GOLGA6L2: variants seen among roughly 807,000 people sequenced by gnomAD.
The protein encoded by GOLGA6L2 is golgin A6 family like 2.
In GOLGA6L2, 30 loss-of-function variants were observed where a neutral mutation model predicts 35.9. The ratio of observed to expected loss-of-function variants is 0.83; its 90% CI spans 0.62 to 1.13. The LOEUF (loss-of-function observed/expected upper bound fraction) is 1.13. Among genes scored for constraint, GOLGA6L2 ranks in the 50% most tolerant of loss-of-function variants. The probability of loss-of-function intolerance (pLI) is 0.00; values close to 1 mark genes in which losing one functional copy is unlikely to be tolerated. For missense variants in GOLGA6L2, 821 were observed against 973.4 expected (o/e 0.84, Z 2.08); for synonymous variants, 297 against 344.0 (o/e 0.86, Z 1.51).
chr15:23,446,465 G>A (rs949438332), intron 1 of GOLGA6L2, among the ~76,000 whole-genome samples: 8 of 152,172 alleles, frequency 5.3e-5, no homozygotes, highest in South Asian at 2.1e-4. Flanking sequence ...CTTAGGGGAC[G>A]GGTCCTAAGA....
chr15:23,444,499 G>A lies in GOLGA6L2; in HGVS notation c.215C>T (p.Thr72Ile). ...TTTCAGCTGCGCTCGGTTCTGTTGT[G>A]TCTGTGGGGAGAGTCAAAGGAAGGT... Reference protein sequence around the residue: ...TSEGCHSPEDTQQNRAQLKEE... With the variant: ...TSEGCHSPEDIQQNRAQLKEE... The change falls in exon 3 of 8, where the codon ACA (threonine) becomes ATA (isoleucine). Residue 72 changes from threonine to isoleucine, a missense_variant and splice_region_variant. Coordinates refer to ENST00000567107, the MANE Select transcript of GOLGA6L2 (RefSeq NM_001304388.2). The A allele has an allele frequency of 1.3e-6, 2 of 1,599,696 alleles. No individual in the cohort carries two copies. The highest frequency in any genetic ancestry group is 2.2e-5 in the South Asian group (2 of 91,008).
intron 4 of GOLGA6L2, 26 bp downstream of exon 4, chr15:23,444,136 G>A: frequency 3.1e-6 from 5 of 1,602,200 alleles, no homozygotes; most frequent in East Asian, 4.5e-5. Flanking sequence ...CAGAGGACAG[G>A]AGGGAACTTC....
intron 2 of GOLGA6L2, 116 bp from the exon 3 acceptor site, chr15:23,444,616 C>A: frequency 1.2e-6 from 1 of 845,454 alleles, no homozygotes; most frequent in Non-Finnish European, 1.9e-6. Flanking sequence ...GTTCTCAGAC[C>A]CAATGGGAAC....
At chr15:23,446,954 T>G in intron 1 of GOLGA6L2, 144 bp downstream of exon 1, 17 of 556,958 alleles carry the variant, frequency 3.1e-5, no homozygotes, top group Middle Eastern at 4.2e-4. Flanking sequence ...GCTGAGAAGA[T>G]TTTGATTGGG....
chr15:23,446,713 G>A (rs138585265), intron 1 of GOLGA6L2, among the ~76,000 whole-genome samples: 124 of 152,200 alleles, frequency 8.1e-4, no homozygotes, highest in Middle Eastern at 3.4e-3. Context: ...AGTATGGAGC[G>A]GGGAGCCCCA....
Position 23,441,071 on chromosome 15 carries a change from C to T in GOLGA6L2, c.1404G>A (p.Glu468=), listed in dbSNP as rs796249885. ...CCTGCTTCTGCATCTTCTCCTCCTG[C>T]TCCCGCATCGTCTCCTCCTCTTCCC... ...KMREEEETMR[E]QEEKMQKQEE... The change falls in exon 8 of 8, where the codon GAG becomes GAA. Residue 468 remains glutamate, a synonymous_variant. Transcript: ENST00000567107. 9.7e-6 allele frequency: 13 copies of T among 1,344,738 alleles called. No homozygotes were observed. The highest frequency in any genetic ancestry group is 1.3e-5 in the South Asian group (1 of 75,274). 83.3% of individuals were successfully genotyped at this position (1,344,738 alleles called of 1,614,324 possible). A position where few individuals can be genotyped will look rare whatever the true frequency, so the allele number is the denominator to read the frequency against.
chr15:23,439,183 C>T lies in GOLGA6L2; in HGVS notation c.*562G>A, dbSNP rs375633527. On this transcript the variant is annotated 3_prime_UTR_variant, in exon 8 of 8. Coordinates refer to ENST00000567107, the MANE Select transcript of GOLGA6L2 (RefSeq NM_001304388.2). Reference sequence around the variant, plus strand: ...TTTTTTTTTTTGAGATGGAATCTCGCTCTGTCATCCAGGCTGGAATGCGGT... The same window carrying T: ...TTTTTTTTTTTGAGATGGAATCTCGTTCTGTCATCCAGGCTGGAATGCGGT... 1.1e-4 allele frequency among the ~76,000 whole-genome samples: 6 copies of T among 56,664 alleles called. No homozygotes were observed. The highest frequency in any genetic ancestry group is 1.7e-4 in the African/African-American group (5 of 29,452). The allele number at this position is 56,664 out of a possible 152,430, so 37.2% of individuals were successfully genotyped here.
chr15:23,442,167 G>A, intron 6 of GOLGA6L2, 47 bp from the exon 7 acceptor site: 2 of 1,555,862 alleles, frequency 1.3e-6, no homozygotes, highest in Non-Finnish European at 1.7e-6. Context: ...GAACAGAAAG[G>A]ACTGCTTTGG....
At position 23,444,009 on chromosome 15, in the gene GOLGA6L2, T is replaced by A; in HGVS notation, c.359A>T (p.Tyr120Phe). 1 of 1,552,660 alleles carries A rather than the reference T, an allele frequency of 6.4e-7. No homozygotes were observed. Among genetic ancestry groups the A allele is most frequent in the Non-Finnish European group, 8.7e-7 (1 of 1,155,418 alleles). The change falls in exon 5 of 8, where the codon TAC becomes TTC. Residue 120 changes from tyrosine to phenylalanine, a missense_variant. By Grantham distance (22) the Tyr-to-Phe change is conservative. Coordinates refer to ENST00000567107, the MANE Select transcript of GOLGA6L2 (RefSeq NM_001304388.2). ...AAATTTCCTGGCAGCATCCTGGCTG[T>A]AATAGAGCGCTGTCTCCAGTTCAGT... The part of the protein sequence containing the change: ...QKTELETALY[Y>F]SQDAARKFED...
intron 7 of GOLGA6L2, 22 bp from the exon 8 acceptor site, chr15:23,441,704 GAACTAGCTATATA>G: frequency 6.8e-7 from 1 of 1,464,254 alleles, no homozygotes; most frequent in Non-Finnish European, 9.0e-7. Context: ...ATAGACTTAT[GAACTAGCTATATA>G]AATGTAATCT....
intron 7 of GOLGA6L2, 75 bp from the exon 8 acceptor site, chr15:23,441,757 T>G: frequency 7.0e-7 from 1 of 1,421,890 alleles, no homozygotes; most frequent in Non-Finnish European, 9.2e-7. Context: ...CTATGATTCT[T>G]TAAAAAAAAT....
At chr15:23,446,749 G>T (rs1054195900) in intron 1 of GOLGA6L2, among the ~76,000 whole-genome samples, 3 of 151,940 alleles carry the variant, frequency 2.0e-5, no homozygotes, top group African/African-American at 4.8e-5. Context: ...AAGTCACCCT[G>T]GGGCGACTGG....
intron 6 of GOLGA6L2, 35 bp downstream of exon 6, chr15:23,442,415 C>A (rs1394927001): frequency 1.9e-6 from 3 of 1,580,446 alleles, no homozygotes; most frequent in Non-Finnish European, 2.6e-6. Flanking sequence ...CGCTAAGGGC[C>A]CCCAGACCTC....
rs1414347922 is a variant in GOLGA6L2, at chr15:23,440,214, C to A, written c.2261G>T (p.Gly754Val). The change falls in exon 8 of 8, where the codon GGT becomes GTT. Residue 754 changes from glycine (G) to valine (V), a missense_variant. Gly to Val is a moderately radical substitution (Grantham distance 109). Transcript: ENST00000567107. ...TTCTTCTTCTCCCGCATCTTCTCCA[C>A]CTGCTGCCACATCTTCTGCTCCCGC... ...ENAGAEDVAAGGEDAGEEEDA... is the reference protein window; with the variant it reads ...ENAGAEDVAAVGEDAGEEEDA... 6 of 563,816 alleles carry A rather than the reference C, an allele frequency of 1.1e-5. No homozygotes were observed. The highest frequency in any genetic ancestry group is 3.0e-5 in the African/African-American group (1 of 33,854). 34.9% of individuals were successfully genotyped at this position (563,816 alleles called of 1,614,324 possible).
At position 23,439,687 on chromosome 15, in the gene GOLGA6L2, C is replaced by G; in HGVS notation, c.*58G>C. Reference sequence around the variant, plus strand: ...TCTCCTGTGCAGTGGGGTTGTCCTGCGGAGAACCCTCCCCAGCCTCTCCTC... The same window carrying G: ...TCTCCTGTGCAGTGGGGTTGTCCTGGGGAGAACCCTCCCCAGCCTCTCCTC... On this transcript the variant is annotated 3_prime_UTR_variant, in exon 8 of 8. Coordinates refer to ENST00000567107, the MANE Select transcript of GOLGA6L2 (RefSeq NM_001304388.2). 1 of 1,537,316 alleles carries G rather than the reference C, an allele frequency of 6.5e-7. No individual in the cohort carries two copies. The highest frequency in any genetic ancestry group is 2.4e-5 in the East Asian group (1 of 40,920).
chr15:23,445,749 T>G (rs1886771378), intron 1 of GOLGA6L2, among the ~76,000 whole-genome samples: 1 of 152,192 alleles, frequency 6.6e-6, no homozygotes, highest in Non-Finnish European at 1.5e-5. Flanking sequence ...CTGTTTGGTT[T>G]AGAGTCGTAC....
At position 23,441,566 on chromosome 15, in the gene GOLGA6L2, C is replaced by T. The variant is rs765482855; in HGVS notation, c.909G>A (p.Arg303=). ...GCTCCCGCATCTTCCCCTCCTGCTC[C>T]CGCAGTCTCTCCTCCTGTCTCCACA... ...EKMWRQEERL[R]EQEGKMREQE... is the part of the protein sequence containing the mutation. The change falls in exon 8 of 8, where the codon CGG becomes CGA. Residue 303 remains arginine (R), a synonymous_variant. Transcript: ENST00000567107. 6.6e-7 allele frequency: 1 copy of T among 1,511,662 alleles called. No individual in the cohort carries two copies. Among genetic ancestry groups the T allele is most frequent in the Non-Finnish European group, 8.9e-7 (1 of 1,122,682 alleles). 93.6% of individuals were successfully genotyped at this position (1,511,662 alleles called of 1,614,324 possible).
In GOLGA6L2 at chr15:23,445,439, CTG is replaced by C; in HGVS notation, c.85-3_85-2del. 1 of 1,181,750 alleles carries C rather than the reference CTG, an allele frequency of 8.5e-7. No individual in the cohort carries two copies. Among genetic ancestry groups the C allele is most frequent in the Non-Finnish European group, 1.1e-6 (1 of 896,132 alleles). 73.2% of individuals were successfully genotyped at this position (1,181,750 alleles called of 1,614,324 possible). ...TGTTCCACTGACGATAGTCTGTAAACTGTGGAAAAGAGGAGCAGTGATACTCA... is the reference window on the plus strand; with the variant it reads ...TGTTCCACTGACGATAGTCTGTAAACTGGAAAAGAGGAGCAGTGATACTCA... On this transcript the variant is annotated splice_acceptor_variant and splice_polypyrimidine_tract_variant and intron_variant, in intron 1 of 7. Transcript: ENST00000567107. LOFTEE classifies it high-confidence loss of function.
rs1295154120 is a variant in GOLGA6L2 at position 23,441,337 on chromosome 15, C to T, written c.1138G>A (p.Glu380Lys). 6.5e-7 allele frequency: 1 copy of T among 1,538,944 alleles called. No homozygotes were observed. Among genetic ancestry groups the T allele is most frequent in the East Asian group, 2.5e-5 (1 of 40,662 alleles). The change falls in exon 8 of 8, where the codon GAG (glutamate) becomes AAG (lysine). Residue 380 changes from glutamate to lysine, a missense_variant. Physicochemically the swap from Glu to Lys is moderately conservative, Grantham distance 56. Around this residue, in one of 7 missense-constraint regions of GOLGA6L2, gnomAD observed 614 missense variants for 632.3 expected, o/e 0.97. Coordinates refer to ENST00000567107, the MANE Select transcript of GOLGA6L2 (RefSeq NM_001304388.2). ...KMWRQEERLW[E>K]QEKQMREQEQ... ...TGCTCCCGCATCTGCTTCTCCTGCT[C>T]CCACAGCCTCTCCTCCTGTCTCCAC...
Sources: allele counts gnomAD v4.1 joint callset (sites outside exome capture counted in the v4.1 genomes callset), GRCh38; gene constraint gnomAD v4.1.1; regional missense constraint gnomAD v4.1.1; transcripts MANE v1.5; gene names NCBI Gene and HGNC (gene_info 2026-07-23, HGNC 2026-07-21).